The following ABHD18 variants were observed in gnomAD, a reference collection of about 807,000 sequenced individuals.
The protein encoded by ABHD18 is cardiolipin-specific deacylase, mitochondrial.
ABHD18 carries 55 observed loss-of-function variants against 65.9 expected under a neutral mutation model. The observed-to-expected ratio is 0.84, with a 90% CI of 0.67 to 1.05. The LOEUF (loss-of-function observed/expected upper bound fraction) is 1.05, where lower values mean the gene tolerates loss of function less well. ABHD18 is among the 50% of genes least tolerant of loss of function. The pLI is 0.00. For synonymous variants in ABHD18, 181 were observed against 180.2 expected, an observed-to-expected ratio of 1.00 and a Z score of -0.04; for missense variants, 533 against 558.5, an observed-to-expected ratio of 0.95 and a Z score of 0.46.
At chr4:128,019,791 T>C (rs1478201984) in intron 8 of ABHD18, among the ~76,000 whole-genome samples, 1 of 152,196 alleles carries the variant, frequency 6.6e-6, no homozygotes, top group African/African-American at 2.4e-5. Flanking sequence ...GCCCAGCATC[T>C]ACATCTCAGC....
At position 128,036,314 on chromosome 4, in the gene ABHD18, A is replaced by T. The variant is rs868644266; in HGVS notation, c.*501A>T. ...TCTGCTGTGGAAATAAATACTTATGATATATAAAATCAGTGTTAACTTTGA... is the reference window on the plus strand; with the variant it reads ...TCTGCTGTGGAAATAAATACTTATGTTATATAAAATCAGTGTTAACTTTGA... On this transcript the variant is annotated 3_prime_UTR_variant, in exon 13 of 13. Transcript: ENST00000645843. The T allele has an allele frequency of 6.6e-6, 1 of 152,054 alleles. No individual in the cohort carries two copies. The highest frequency in any genetic ancestry group is 2.4e-5 in the African/African-American group (1 of 41,428). 9.4% of individuals were successfully genotyped at this position (152,054 alleles called of 1,614,324 possible). A position where few individuals can be genotyped will look rare whatever the true frequency, so the allele number is the denominator to read the frequency against.
Position 127,982,418 on chromosome 4 carries a change from T to G in ABHD18, c.-17-521T>G, listed in dbSNP as rs2149069761. ...TAGTATAGTAGAGGGGAGTGTAGTG[T>G]GGTAGTTAGATGTTGAGCTGTGTAC... On this transcript the variant is annotated intron_variant, in intron 1 of 12. Coordinates refer to ENST00000645843, the MANE Select transcript of ABHD18 (RefSeq NM_001358451.3). 2.0e-5 allele frequency among the ~76,000 whole-genome samples: 3 copies of G among 152,264 alleles called. No homozygotes were observed. The South Asian group carries it at 6.2e-4, about 32-fold the overall frequency.
At chr4:128,034,930 G>A (rs1406963147) in intron 12 of ABHD18, among the ~76,000 whole-genome samples, 1 of 152,144 alleles carries the variant, frequency 6.6e-6, no homozygotes, top group Non-Finnish European at 1.5e-5. Context: ...GGGATTACAG[G>A]CTTGAGCCAT....
intron 8 of ABHD18, among the ~76,000 whole-genome samples, chr4:128,018,929 G>A (rs146585531): frequency 0.021 from 3,088 of 149,394 alleles, 54 homozygotes; most frequent in Middle Eastern, 0.04. Flanking sequence ...CAGGAGAATC[G>A]CCTGAACCCA....
rs1322371385 is a variant in ABHD18 at position 128,036,304 on chromosome 4, A to C, written c.*491A>C. 1 of 152,208 alleles carries C rather than the reference A, an allele frequency of 6.6e-6. No homozygotes were observed. Among genetic ancestry groups the C allele is most frequent in the Non-Finnish European group, 1.5e-5 (1 of 68,062 alleles). 9.4% of individuals were successfully genotyped at this position (152,208 alleles called of 1,614,324 possible). ...CAACTAATTTTCTGCTGTGGAAATA[A>C]ATACTTATGATATATAAAATCAGTG... On this transcript the variant is annotated 3_prime_UTR_variant, in exon 13 of 13. Coordinates refer to ENST00000645843, the MANE Select transcript of ABHD18 (RefSeq NM_001358451.3).
chr4:127,992,199 C>T (rs555742561), intron 4 of ABHD18, among the ~76,000 whole-genome samples: 6 of 152,242 alleles, frequency 3.9e-5, no homozygotes, highest in Admixed American at 3.3e-4. Flanking sequence ...AGGCCGGGCA[C>T]GGTGTCTCAC....
intron 1 of ABHD18, among the ~76,000 whole-genome samples, chr4:127,971,102 G>A (rs866572357): frequency 2.7e-4 from 41 of 150,604 alleles, no homozygotes; most frequent in Admixed American, 1.1e-3. Context: ...AAAGAAATTA[G>A]CCGGGCAAGG....
intron 10 of ABHD18, among the ~76,000 whole-genome samples, chr4:128,023,910 C>T (rs1200895070): frequency 6.6e-6 from 1 of 152,004 alleles, no homozygotes; most frequent in Non-Finnish European, 1.5e-5. Context: ...GCTTTACCTG[C>T]TAGTTAGTTC....
chr4:127,973,177 G>A (rs543241843), intron 1 of ABHD18, among the ~76,000 whole-genome samples: 4 of 151,982 alleles, frequency 2.6e-5, no homozygotes, highest in South Asian at 2.1e-4. Context: ...CACCACTCCC[G>A]GGAAAGTTTT....
At chr4:127,981,680 A>C (rs763217122) in intron 1 of ABHD18, among the ~76,000 whole-genome samples, 1 of 152,194 alleles carries the variant, frequency 6.6e-6, no homozygotes, top group Non-Finnish European at 1.5e-5. Context: ...AATTAATACC[A>C]GTTTATGTAT....
intron 12 of ABHD18, chr4:128,031,101 G>C: frequency 1.0e-6 from 1 of 988,890 alleles, no homozygotes. Context: ...CCTTAAATAA[G>C]AAGTGCTTTT....
At chr4:127,987,690 G>A (rs1189224959) in intron 3 of ABHD18, among the ~76,000 whole-genome samples, 1 of 150,908 alleles carries the variant, frequency 6.6e-6, no homozygotes, top group African/African-American at 2.4e-5. Context: ...TCCAGCCTAG[G>A]TGACAGAGCA....
chr4:127,982,165 T>G (rs1749170809), intron 1 of ABHD18, among the ~76,000 whole-genome samples: 1 of 151,940 alleles, frequency 6.6e-6, no homozygotes, highest in Non-Finnish European at 1.5e-5. Context: ...TCCTAAGATC[T>G]GAGAAAAAAT....
In ABHD18 at chr4:128,011,699, G is replaced by A; in HGVS notation, c.469G>A (p.Val157Ile). The A allele has an allele frequency of 6.5e-7, 1 of 1,543,820 alleles. No individual in the cohort carries two copies. The highest frequency in any genetic ancestry group is 8.7e-7 in the Non-Finnish European group (1 of 1,143,222). Residue 157 changes from valine (V) to isoleucine (I), a missense_variant and splice_region_variant, in exon 7 of 13, where the codon GTA (valine) becomes ATA (isoleucine). Transcript: ENST00000645843. ...YYGCRKPKDQ[V>I]RSSLKNVSDL... ...TGGCTGCAGGAAACCCAAGGACCAA[G>A]TGTAAGTATATATCACTTTCATTTT...
At chr4:127,993,426 C>A (rs899121645) in intron 4 of ABHD18, among the ~76,000 whole-genome samples, 4 of 152,142 alleles carry the variant, frequency 2.6e-5, no homozygotes, top group Non-Finnish European at 5.9e-5. Flanking sequence ...TTTTTTTCAA[C>A]AATTTCTAGT....
At chr4:128,018,726 A>G (rs1255087914) in intron 8 of ABHD18, among the ~76,000 whole-genome samples, 1 of 152,132 alleles carries the variant, frequency 6.6e-6, no homozygotes, top group Non-Finnish European at 1.5e-5. Context: ...CTCAAATTCA[A>G]AACTATGCTG....
chr4:128,019,987 CTATT>C, intron 8 of ABHD18, 89 bp from the exon 9 acceptor site: 1 of 770,266 alleles, frequency 1.3e-6, no homozygotes, highest in Non-Finnish European at 2.0e-6. Context: ...ATCTGACCAA[CTATT>C]TACTGCACGG....
In ABHD18 at chr4:127,983,030, G is replaced by T. The variant is rs1749327439; in HGVS notation, c.75G>T (p.Arg25Ser). The part of the protein sequence containing the change: ...LTKLFIRGWG[R>S]PEDLKRLFEF... ...AACTTTTTATCAGAGGATGGGGAAG[G>T]CCAGAAGATCTCAAAAGGCAAGCAA... Residue 25 changes from arginine to serine, a missense_variant, in exon 2 of 13, where the codon AGG becomes AGT. By Grantham distance (110) the Arg-to-Ser change is moderately radical. Around this residue, in one of 3 missense-constraint regions of ABHD18, gnomAD observed 309 missense variants for 313.5 expected, o/e 0.99. Transcript: ENST00000645843. 1.3e-6 allele frequency: 2 copies of T among 1,557,136 alleles called. No homozygotes were observed. The highest frequency in any genetic ancestry group is 4.8e-5 in the East Asian group (2 of 41,948).
rs183677438 is a variant in ABHD18 at position 128,028,718 on chromosome 4, A to T, written c.1045A>T (p.Ser349Cys). 107 of 1,613,960 alleles carry T rather than the reference A, an allele frequency of 6.6e-5. No homozygotes were observed. The East Asian group carries it at 2.3e-3, about 35-fold the overall frequency. Reference protein sequence around the residue: ...RFNQTLSTNKSGYTSRNPQSY... With the variant: ...RFNQTLSTNKCGYTSRNPQSY... ...CAATCAAACACTTTCAACCAACAAA[A>T]GTGGTTATACAAGTCGCAACCCTCA... Residue 349 changes from serine to cysteine, a missense_variant, in exon 11 of 13, where the codon AGT (serine) becomes TGT (cysteine). Physicochemically the swap from Ser to Cys is moderately radical, Grantham distance 112. Transcript: ENST00000645843.
Sources: allele counts gnomAD v4.1 joint callset (sites outside exome capture counted in the v4.1 genomes callset), GRCh38; gene constraint gnomAD v4.1.1; regional missense constraint gnomAD v4.1.1; transcripts MANE v1.5; gene names NCBI Gene and HGNC (gene_info 2026-07-23, HGNC 2026-07-21).